Variants in ADGRL3 observed in about 807,000 individuals in gnomAD.
The protein encoded by ADGRL3 is calcium-independent alpha-latrotoxin receptor 3.
In ADGRL3, 62 loss-of-function variants were observed where a neutral mutation model predicts 153.5. That is an observed-to-expected ratio of 0.40 (90% confidence interval 0.33 to 0.50). The LOEUF (loss-of-function observed/expected upper bound fraction) is 0.50. ADGRL3 is among the 20% of genes least tolerant of loss of function. ADGRL3 has a pLI of 0.47. For synonymous variants in ADGRL3, 710 were observed against 672.5 expected (o/e 1.06, Z -0.86); for missense variants, 1,641 against 1,859.4 (o/e 0.88, Z 2.16).
Position 61,758,052 on chromosome 4 carries a change from A to G in ADGRL3, c.1399+24498A>G, listed in dbSNP as rs558425805. Reference sequence around the variant, plus strand: ...TGCTTTACTTCCAACTATGTGGTCAATTTTGGAATAGGTGCAGTGTGGTGC... The same window carrying G: ...TGCTTTACTTCCAACTATGTGGTCAGTTTTGGAATAGGTGCAGTGTGGTGC... On this transcript the variant is annotated intron_variant, in intron 8 of 26. Coordinates refer to ENST00000683033, the MANE Select transcript of ADGRL3 (RefSeq NM_001387552.1). Among the ~76,000 whole-genome samples the G allele has an allele frequency of 9.9e-4, 150 of 151,310 alleles. 1 individual carries two copies. Among genetic ancestry groups the G allele is most frequent in the African/African-American group, 3.6e-3 (147 of 40,686 alleles).
chr4:61,389,589 C>CT (rs563580602), intron 2 of ADGRL3, among the ~76,000 whole-genome samples: 1,574 of 150,716 alleles, frequency 0.01, 20 homozygotes, highest in African/African-American at 0.033. Context: ...TTTTTTACCC[C>CT]TTTTTTTTAT....
At chr4:61,346,255 T>G (rs2151227695) in intron 1 of ADGRL3, among the ~76,000 whole-genome samples, 1 of 151,714 alleles carries the variant, frequency 6.6e-6, no homozygotes, top group South Asian at 2.1e-4. Flanking sequence ...TCTCTCTCTC[T>G]CTCTCTTTCT....
Position 61,727,192 on chromosome 4 carries a change from A to C in ADGRL3, c.584-3430A>C, listed in dbSNP as rs1580477343. On this transcript the variant is annotated intron_variant, in intron 6 of 26. Transcript: ENST00000683033. ...TTTTATAAACTCTTGGGAAATATAG[A>C]GGAAAATTTACTAGTCATTTTTACC... 2.0e-5 allele frequency among the ~76,000 whole-genome samples: 3 copies of C among 152,250 alleles called. No homozygotes were observed. The East Asian group carries it at 5.8e-4, about 29-fold the overall frequency.
At chr4:61,437,206 C>T (rs2097458577) in intron 2 of ADGRL3, among the ~76,000 whole-genome samples, 1 of 152,002 alleles carries the variant, frequency 6.6e-6, no homozygotes, top group African/African-American at 2.4e-5. Context: ...ACAGAATGTT[C>T]AGATTAAATT....
At position 62,072,532 on chromosome 4, in the gene ADGRL3, C is replaced by A. The variant is rs1288246148; in HGVS notation, c.*1624C>A. On this transcript the variant is annotated 3_prime_UTR_variant, in exon 27 of 27. Coordinates refer to ENST00000683033, the MANE Select transcript of ADGRL3 (RefSeq NM_001387552.1). Reference sequence around the variant, plus strand: ...TTCTGTTTTCAATACATAAACTTTGCTAATCCTCTGTGGCCCAAATGAGCC... The same window carrying A: ...TTCTGTTTTCAATACATAAACTTTGATAATCCTCTGTGGCCCAAATGAGCC... 6.6e-6 allele frequency: 1 copy of A among 152,386 alleles called. No homozygotes were observed. The highest frequency in any genetic ancestry group is 1.5e-5 in the Non-Finnish European group (1 of 68,014). 9.4% of individuals were successfully genotyped at this position (152,386 alleles called of 1,614,324 possible).
Position 61,590,104 on chromosome 4 carries a change from G to A in ADGRL3, c.473+2664G>A, listed in dbSNP as rs2098963351. Among the ~76,000 whole-genome samples, 4 of 151,862 alleles carry A rather than the reference G, an allele frequency of 2.6e-5. 1 individual carries two copies. The highest frequency in any genetic ancestry group is 9.7e-5 in the African/African-American group (4 of 41,346). ...CAACAGATTTATTTGTCCTTCTCAGGAACTTATACTTTTACTCAATTATTA... is the reference window on the plus strand; with the variant it reads ...CAACAGATTTATTTGTCCTTCTCAGAAACTTATACTTTTACTCAATTATTA... On this transcript the variant is annotated intron_variant, in intron 5 of 26. Coordinates refer to ENST00000683033, the MANE Select transcript of ADGRL3 (RefSeq NM_001387552.1).
At chr4:61,278,560 G>T (rs1279604004) in intron 1 of ADGRL3, among the ~76,000 whole-genome samples, 1 of 152,028 alleles carries the variant, frequency 6.6e-6, no homozygotes, top group Non-Finnish European at 1.5e-5. Flanking sequence ...CTGGAGTGCT[G>T]TGGCATGATC....
At chr4:61,638,651 T>G (rs1005411039) in intron 5 of ADGRL3, among the ~76,000 whole-genome samples, 10 of 152,166 alleles carry the variant, frequency 6.6e-5, no homozygotes, top group African/African-American at 1.9e-4. Flanking sequence ...GTTTATACAC[T>G]GAGTTCCAGT....
intron 8 of ADGRL3, among the ~76,000 whole-genome samples, chr4:61,768,478 G>T (rs1474889961): frequency 6.6e-6 from 1 of 152,046 alleles, no homozygotes; most frequent in Non-Finnish European, 1.5e-5. Context: ...AGGCTAGGAA[G>T]GAACTGATGT....
At chr4:61,520,505 G>C (rs2098523454) in intron 4 of ADGRL3, among the ~76,000 whole-genome samples, 1 of 152,110 alleles carries the variant, frequency 6.6e-6, no homozygotes, top group Admixed American at 6.6e-5. Context: ...TTTTGCAAGA[G>C]CCACAAATGC....
chr4:61,871,629 G>C (rs552930136), intron 9 of ADGRL3, among the ~76,000 whole-genome samples: 1 of 152,108 alleles, frequency 6.6e-6, no homozygotes, highest in Non-Finnish European at 1.5e-5. Flanking sequence ...GGGAACATGG[G>C]GAATGACTAC....
chr4:61,953,848 T>TG (rs2098956416), intron 17 of ADGRL3, among the ~76,000 whole-genome samples: 1 of 152,208 alleles, frequency 6.6e-6, no homozygotes. Flanking sequence ...GCCGCATTCT[T>TG]GCAACACGTT....
intron 9 of ADGRL3, among the ~76,000 whole-genome samples, chr4:61,888,414 T>C (rs1175739574): frequency 6.6e-6 from 1 of 152,248 alleles, no homozygotes; most frequent in African/African-American, 2.4e-5. Context: ...TCATAGCCTA[T>C]AATATAGGCT....
chr4:61,918,625 G>A (rs762723240), intron 13 of ADGRL3, among the ~76,000 whole-genome samples: 18 of 152,188 alleles, frequency 1.2e-4, no homozygotes, highest in Non-Finnish European at 2.2e-4. Flanking sequence ...AGCACCAGGA[G>A]AGCATGGTAT....
In ADGRL3 at chr4:61,888,248, A is replaced by G. The variant is rs116336963; in HGVS notation, c.1481-4408A>G. Among the ~76,000 whole-genome samples, 971 of 152,354 alleles carry G rather than the reference A, an allele frequency of 6.4e-3. 4 individuals are homozygous for G. The highest frequency in any genetic ancestry group is 0.023 in the African/African-American group (936 of 41,590). On this transcript the variant is annotated intron_variant, in intron 9 of 26. Transcript: ENST00000683033. ...ATATGTAAATAGTCACTCAAACTTA[A>G]TTTCTTTTAGACAATGACTTTTCTC...
intron 15 of ADGRL3, 127 bp from the exon 16 acceptor site, chr4:61,946,787 C>CT (rs2098926861): frequency 1.2e-5 from 9 of 734,550 alleles, no homozygotes; most frequent in Non-Finnish European, 1.9e-5. Flanking sequence ...TGACTTGGTA[C>CT]TTTGGTTGAA....
intron 2 of ADGRL3, among the ~76,000 whole-genome samples, chr4:61,495,313 A>G (rs963589058): frequency 1.3e-5 from 2 of 152,202 alleles, no homozygotes; most frequent in African/African-American, 4.8e-5. Flanking sequence ...GTGTATTAAT[A>G]CATTCATCAG....
chr4:61,927,752 G>A (rs1465256871), intron 13 of ADGRL3, among the ~76,000 whole-genome samples: 1 of 152,018 alleles, frequency 6.6e-6, no homozygotes, highest in African/African-American at 2.4e-5. Flanking sequence ...GCAGTACAAT[G>A]TGTCCTATTC....
chr4:61,223,526 A>T (rs1237033404), intron 1 of ADGRL3, among the ~76,000 whole-genome samples: 1 of 152,160 alleles, frequency 6.6e-6, no homozygotes, highest in Non-Finnish European at 1.5e-5. Flanking sequence ...CAGATTGGTG[A>T]GTGGTGGTGT....
Sources: gnomAD v4.1 joint callset for allele counts (sites outside exome capture counted in the v4.1 genomes callset) on GRCh38, gnomAD v4.1.1 for gene constraint, MANE v1.5 for transcripts, NCBI Gene and HGNC (gene_info 2026-07-23, HGNC 2026-07-21) for gene names.